The following RAD52 variants were observed in gnomAD, a reference collection of about 807,000 sequenced individuals.
RAD52 encodes the protein RAD52 DNA repair protein, also known as DNA repair protein RAD52 homolog.
In RAD52, 47 loss-of-function variants were observed where a neutral mutation model predicts 55.5. That is an observed-to-expected ratio of 0.85 (90% CI 0.67 to 1.08). The LOEUF (loss-of-function observed/expected upper bound fraction) is 1.08, where lower values mean the gene tolerates loss of function less well. Ranked by LOEUF, RAD52 falls within the 50% of genes least tolerant of loss-of-function variation. The pLI is 0.00. For synonymous variants in RAD52, 184 were observed against 198.9 expected (o/e 0.92, Z 0.63); for missense variants, 468 against 522.8 (o/e 0.90, Z 1.02).
intron 1 of RAD52, chr12:976,739 G>A (rs7488800): frequency 0.77 from 116,726 of 152,072 alleles, 46,738 homozygotes; most frequent in East Asian, 0.98. Context: ...TGTAAGCTAC[G>A]ATAAAATAGA....
chr12:916,419 G>T lies in RAD52; in HGVS notation c.790C>A (p.Leu264Met), dbSNP rs2154108572. The T allele has an allele frequency of 6.2e-7, 1 of 1,608,354 alleles. No individual in the cohort carries two copies. The change falls in exon 9 of 12, where the codon CTG becomes ATG. Residue 264 changes from leucine to methionine, a missense_variant. By Grantham distance (15) the Leu-to-Met change is conservative (BLOSUM62 2). Transcript: ENST00000358495. ...THQRKLRQKQ[L>M]QQQFRERMEK... is the part of the protein sequence containing the mutation. The stretch of plus-strand genomic sequence containing the variant: ...ATCCGCTCCCGGAACTGCTGCTGCA[G>T]CTGCTTCTGCCGGAGCTTCCGCTGG...
chr12:981,640 C>T (rs975973255), intron 1 of RAD52, among the ~76,000 whole-genome samples: 28 of 151,874 alleles, frequency 1.8e-4, no homozygotes, highest in Non-Finnish European at 3.8e-4. Flanking sequence ...GCCTGTAATC[C>T]CAGCTACTCA....
intron 7 of RAD52, among the ~76,000 whole-genome samples, chr12:919,303 G>A (rs911307436): frequency 2.6e-5 from 4 of 152,006 alleles, no homozygotes; most frequent in Non-Finnish European, 5.9e-5. Flanking sequence ...AAAATTAGCC[G>A]GGCATGGTGG....
intron 1 of RAD52, among the ~76,000 whole-genome samples, chr12:967,723 A>T (rs1459010088): frequency 6.6e-6 from 1 of 151,616 alleles, no homozygotes; most frequent in Admixed American, 6.6e-5. Context: ...TCCCTCCTCA[A>T]CCTCTTGAGT....
At chr12:944,251 G>A (rs779870838) in intron 1 of RAD52, among the ~76,000 whole-genome samples, 3 of 150,926 alleles carry the variant, frequency 2.0e-5, no homozygotes, top group East Asian at 3.9e-4. Flanking sequence ...AGCCAGGAGT[G>A]GTGGCTCACG....
chr12:983,410 ATTTTTTTTTTTTTT>A (rs58498697), intron 1 of RAD52, among the ~76,000 whole-genome samples: 3 of 121,532 alleles, frequency 2.5e-5, no homozygotes, highest in African/African-American at 9.8e-5. Context: ...TTTCCTGAAG[ATTTTTTTTTTTTTT>A]TTTTTTTTTT....
At chr12:968,398 T>G (rs1389200777) in intron 1 of RAD52, among the ~76,000 whole-genome samples, 2 of 151,950 alleles carry the variant, frequency 1.3e-5, no homozygotes, top group African/African-American at 4.8e-5. Flanking sequence ...AGAATGGGGT[T>G]AGAGCACCTT....
intron 7 of RAD52, among the ~76,000 whole-genome samples, chr12:917,249 T>G (rs1324178876): frequency 6.6e-6 from 1 of 152,148 alleles, no homozygotes; most frequent in Non-Finnish European, 1.5e-5. Context: ...CGAAGAACCC[T>G]TCAAACGACA....
intron 1 of RAD52, among the ~76,000 whole-genome samples, chr12:957,466 C>CA (rs71055109): frequency 0.37 from 16,022 of 43,572 alleles, 2,805 homozygotes; most frequent in Non-Finnish European, 0.46. Flanking sequence ...AACTTCGTCT[C>CA]AAAAAAAAAA....
intron 6 of RAD52, among the ~76,000 whole-genome samples, chr12:926,468 C>T (rs1957042743): frequency 6.6e-6 from 1 of 152,096 alleles, no homozygotes; most frequent in African/African-American, 2.4e-5. Flanking sequence ...GGCACCACTG[C>T]ACCCCAGCCT....
chr12:932,831 AACGTACTAGGTACTGCTCACAC>A, intron 2 of RAD52, 122 bp downstream of exon 2: 1 of 576,386 alleles, frequency 1.7e-6, no homozygotes, highest in Non-Finnish European at 3.1e-6. Flanking sequence ...GTACTAGGTA[AACGTACTAGGTACTGCTCACAC>A]ACGTACTAGG....
At chr12:966,708 G>T (rs1297294277) in intron 1 of RAD52, among the ~76,000 whole-genome samples, 1 of 151,984 alleles carries the variant, frequency 6.6e-6, no homozygotes. Context: ...CTAAGTGCTA[G>T]AGATGCTATT....
chr12:988,911 TAG>T (rs1412929303), intron 1 of RAD52, among the ~76,000 whole-genome samples: 2 of 121,008 alleles, frequency 1.7e-5, no homozygotes, highest in African/African-American at 8.0e-5. Context: ...TGAGATTTGG[TAG>T]AGACAAAAAA....
chr12:967,262 A>G (rs562184508), intron 1 of RAD52, among the ~76,000 whole-genome samples: 1 of 151,656 alleles, frequency 6.6e-6, no homozygotes, highest in South Asian at 2.1e-4. Flanking sequence ...GCCTGTAGTC[A>G]CAGCTATTTG....
At chr12:940,693 G>C (rs940339571) in intron 1 of RAD52, among the ~76,000 whole-genome samples, 1 of 152,038 alleles carries the variant, frequency 6.6e-6, no homozygotes, top group Non-Finnish European at 1.5e-5. Context: ...GAAAATGTAA[G>C]AGCCAAAGGA....
chr12:917,138 CAG>C (rs1720409377), intron 7 of RAD52, among the ~76,000 whole-genome samples: 3 of 152,264 alleles, frequency 2.0e-5, no homozygotes, highest in Admixed American at 1.3e-4. Flanking sequence ...TGAGCACACA[CAG>C]TCTCTGTGGA....
chr12:919,006 CAG>C (rs1231254017), intron 7 of RAD52, among the ~76,000 whole-genome samples: 1 of 151,970 alleles, frequency 6.6e-6, no homozygotes, highest in Non-Finnish European at 1.5e-5. Context: ...AGTTCAAAAA[CAG>C]GAAAAAATAA....
chr12:946,689 T>C (rs1034102893), intron 1 of RAD52, among the ~76,000 whole-genome samples: 34 of 152,194 alleles, frequency 2.2e-4, no homozygotes, highest in African/African-American at 6.8e-4. Flanking sequence ...CAAAAAAACA[T>C]GGCACTACGT....
intron 1 of RAD52, among the ~76,000 whole-genome samples, chr12:965,861 AT>A (rs1415395948): frequency 2.6e-5 from 4 of 151,904 alleles, no homozygotes; most frequent in African/African-American, 7.3e-5. Flanking sequence ...TAATTTTTGT[AT>A]TTTTAGTAGA....
Sources: allele counts gnomAD v4.1 joint callset (sites outside exome capture counted in the v4.1 genomes callset), GRCh38; gene constraint gnomAD v4.1.1; transcripts MANE v1.5; gene names NCBI Gene and HGNC (gene_info 2026-07-23, HGNC 2026-07-21).